The following RASSF3 variants were observed in gnomAD, a reference collection of about 807,000 sequenced individuals.
RASSF3 encodes the protein ras association domain-containing protein 3.
In RASSF3, 19 loss-of-function variants were observed where a neutral mutation model predicts 19.9. The ratio of observed to expected loss-of-function variants is 0.96; its 90% CI spans 0.67 to 1.40. RASSF3 has a LOEUF of 1.40. Ranked by LOEUF, RASSF3 falls within the 40% of genes most tolerant of loss-of-function variation. The pLI, the probability that RASSF3 is intolerant of heterozygous loss-of-function variation, is 0.00. For synonymous variants in RASSF3, 110 were observed against 104.2 expected (o/e 1.06, Z -0.34); for missense variants, 306 against 289.8 (o/e 1.06, Z -0.41).
chr12:64,593,575 C>A (rs1008171651), intron 2 of RASSF3, among the ~76,000 whole-genome samples: 1 of 152,030 alleles, frequency 6.6e-6, no homozygotes, highest in Non-Finnish European at 1.5e-5. Context: ...GTTCTTTCAA[C>A]AAATATCTCA....
rs7303766 is a variant in RASSF3 at position 64,568,093 on chromosome 12, G to A, written c.294+26388G>A. 1.3e-3 allele frequency among the ~76,000 whole-genome samples: 197 copies of A among 152,088 alleles called. 2 individuals are homozygous for A. Among genetic ancestry groups the A allele is most frequent in the African/African-American group, 4.3e-3 (178 of 41,500 alleles). ...GTTGCCCAGGCTGGAGTGCAGTGGC[G>A]CGATCTTGGCTCACTGCAACCTCTG... On this transcript the variant is annotated intron_variant, in intron 2 of 5. Transcript: ENST00000637125.
At chr12:64,593,063 G>A (rs903037766) in intron 2 of RASSF3, among the ~76,000 whole-genome samples, 3 of 151,982 alleles carry the variant, frequency 2.0e-5, no homozygotes, top group African/African-American at 7.3e-5. Context: ...AAAAAATCAA[G>A]GTAGAAGTAT....
At chr12:64,622,216 A>ATTTTTTTT (rs35037944) in intron 1 of RASSF3, among the ~76,000 whole-genome samples, 1 of 134,512 alleles carries the variant, frequency 7.4e-6, no homozygotes. Context: ...ATGTCCAGCT[A>ATTTTTTTT]TTTTTTTTTT....
upstream of RASSF3, among the ~76,000 whole-genome samples, chr12:64,606,209 A>T (rs1041867894): frequency 6.6e-6 from 1 of 152,142 alleles, no homozygotes; most frequent in African/African-American, 2.4e-5. Context: ...TCCATGCCTA[A>T]AGCAATCCCT....
intron 2 of RASSF3, among the ~76,000 whole-genome samples, chr12:64,559,783 G>A (rs770825473): frequency 6.6e-6 from 1 of 152,196 alleles, no homozygotes; most frequent in Non-Finnish European, 1.5e-5. Flanking sequence ...TGCTTTTCTA[G>A]TCTTACTTTC....
chr12:64,556,875 C>T (rs1212164947), intron 2 of RASSF3, among the ~76,000 whole-genome samples: 4 of 147,068 alleles, frequency 2.7e-5, no homozygotes, highest in East Asian at 2.0e-4. Context: ...CTTGCTCCGT[C>T]GCCCAGGCTG....
At chr12:64,675,648 T>A (rs1189206487) in intron 1 of RASSF3, among the ~76,000 whole-genome samples, 2 of 152,108 alleles carry the variant, frequency 1.3e-5, no homozygotes, top group Non-Finnish European at 2.9e-5. Context: ...CTTGCCCTTG[T>A]TCATTCCAGT....
intron 2 of RASSF3, among the ~76,000 whole-genome samples, chr12:64,572,651 A>G (rs771855122): frequency 2.0e-5 from 3 of 152,140 alleles, no homozygotes; most frequent in Non-Finnish European, 4.4e-5. Context: ...CCCAATAAAT[A>G]TTTACTAAAT....
chr12:64,521,106 G>A (rs994235328), intron 1 of RASSF3, among the ~76,000 whole-genome samples: 4 of 152,150 alleles, frequency 2.6e-5, no homozygotes, highest in Non-Finnish European at 4.4e-5. Context: ...AAAGGGTGCA[G>A]AGACTTGTGA....
chr12:64,684,932 A>C (rs767913039), intron 2 of RASSF3, 38 bp downstream of exon 2: 53 of 1,173,096 alleles, frequency 4.5e-5, no homozygotes, highest in Non-Finnish European at 6.7e-5. Flanking sequence ...GACACCTGTC[A>C]AAAGACAAAT....
intron 1 of RASSF3, among the ~76,000 whole-genome samples, chr12:64,517,960 T>C (rs529138021): frequency 1.1e-4 from 16 of 152,184 alleles, no homozygotes; most frequent in African/African-American, 3.9e-4. Context: ...ATCAGACTTC[T>C]AGACATTGGT....
chr12:64,511,139 G>A (rs1356835848), intron 1 of RASSF3, among the ~76,000 whole-genome samples: 1 of 152,138 alleles, frequency 6.6e-6, no homozygotes, highest in African/African-American at 2.4e-5. Flanking sequence ...ATGGAGGAAA[G>A]TTTCTTGATG....
chr12:64,508,674 C>T (rs1403904711), intron 1 of RASSF3, among the ~76,000 whole-genome samples: 1 of 151,828 alleles, frequency 6.6e-6, no homozygotes, highest in Non-Finnish European at 1.5e-5. Context: ...CACCTGAGGT[C>T]GGGAGTTCAA....
At chr12:64,525,059 C>G in intron 1 of RASSF3, among the ~76,000 whole-genome samples, 1 of 152,036 alleles carries the variant, frequency 6.6e-6, no homozygotes, top group East Asian at 1.9e-4. Flanking sequence ...GTGGATCACC[C>G]GAGGTCAGGA....
Position 64,691,629 on chromosome 12 carries a change from A to T in RASSF3, c.567+50A>T, listed in dbSNP as rs373612198. 3.2e-6 allele frequency: 3 copies of T among 942,200 alleles called. No homozygotes were observed. The South Asian group carries it at 4.1e-5, about 13-fold the overall frequency. The allele number at this position is 942,200 out of a possible 1,614,324, so 58.4% of individuals were successfully genotyped here. On this transcript the variant is annotated intron_variant, in intron 4 of 4. Coordinates refer to ENST00000542104, the MANE Select transcript of RASSF3 (RefSeq NM_178169.4). ...TAAACTATACAGAACAGCTGGCCCT[A>T]TTTTATTGCAGTAGCCTAGTGACTT...
chr12:64,544,918 G>C (rs1869026667), downstream of RASSF3, among the ~76,000 whole-genome samples: 1 of 152,208 alleles, frequency 6.6e-6, no homozygotes, highest in African/African-American at 2.4e-5. Context: ...TTAGAAGAGT[G>C]TGTTCAGCGT....
Position 64,575,359 on chromosome 12 carries a change from C to T in RASSF3, c.294+33654C>T, listed in dbSNP as rs150033882. Among the ~76,000 whole-genome samples, 261 of 152,272 alleles carry T rather than the reference C, an allele frequency of 1.7e-3. 1 individual carries two copies. The highest frequency in any genetic ancestry group is 6.1e-3 in the African/African-American group (254 of 41,562). On this transcript the variant is annotated intron_variant, in intron 2 of 5. Coordinates refer to the RASSF3 transcript ENST00000637125. ...ATGAGGTCAGGAGATCGAAACCATC[C>T]TGGCTAACACAGTCAAACCCCGTCT...
intron 2 of RASSF3, among the ~76,000 whole-genome samples, chr12:64,576,606 C>G (rs771430639): frequency 2.6e-5 from 4 of 152,122 alleles, no homozygotes; most frequent in Non-Finnish European, 4.4e-5. Flanking sequence ...TATCCCAGCA[C>G]TTTGGGCAGC....
chr12:64,687,047 C>T (rs757463883), intron 2 of RASSF3, among the ~76,000 whole-genome samples: 4 of 152,004 alleles, frequency 2.6e-5, no homozygotes, highest in Non-Finnish European at 4.4e-5. Flanking sequence ...AGTGTAATGG[C>T]GTAATCTCGT....
Sources: gnomAD v4.1 joint callset for allele counts (sites outside exome capture counted in the v4.1 genomes callset) on GRCh38, gnomAD v4.1.1 for gene constraint, MANE v1.5 for transcripts, NCBI Gene and HGNC (gene_info 2026-07-23, HGNC 2026-07-21) for gene names.